Variants in MYO18A observed in about 807,000 individuals in gnomAD.
MYO18A encodes unconventional myosin-XVIIIa.
In MYO18A, 78 loss-of-function variants were observed where a neutral mutation model predicts 235.8. The observed-to-expected ratio is 0.33, with a 90% CI of 0.28 to 0.40. MYO18A has a LOEUF of 0.40. Ranked by LOEUF, MYO18A falls within the 10% of genes least tolerant of loss-of-function variation. The pLI is 1.00. For missense variants in MYO18A, 2,215 were observed against 2,699.3 expected (o/e 0.82, Z 3.98); for synonymous variants, 977 against 1,077.8 (o/e 0.91, Z 1.83).
intron 41 of MYO18A, chr17:29,076,696 A>G (rs1870345360): frequency 6.6e-6 from 1 of 152,174 alleles, no homozygotes; most frequent in Admixed American, 6.5e-5. Context: ...TATAGAAAAA[A>G]ATTGGGGTTA....
In MYO18A at chr17:29,115,769, C is replaced by T; in HGVS notation, c.2122G>A (p.Glu708Lys). The T allele has an allele frequency of 6.3e-7, 1 of 1,595,430 alleles. No homozygotes were observed. Among genetic ancestry groups the T allele is most frequent in the Non-Finnish European group, 8.5e-7 (1 of 1,170,814 alleles). Reference sequence around the variant, plus strand: ...TGCTTGAAGATGGCTGAGGACAGCTCCTCCAGGCTGCAGCCCAGTAGGTAC... The same window carrying T: ...TGCTTGAAGATGGCTGAGGACAGCTTCTCCAGGCTGCAGCCCAGTAGGTAC... ...AAYLLGCSLE[E>K]LSSAIFKHQH... Residue 708 changes from glutamate to lysine, a missense_variant, in exon 12 of 42, where the codon GAG becomes AAG. Glu to Lys is a moderately conservative substitution (Grantham distance 56, BLOSUM62 1). Coordinates refer to ENST00000527372, the MANE Select transcript of MYO18A (RefSeq NM_078471.4).
At position 29,072,212 on chromosome 17, in the gene MYO18A, T is replaced by A. The variant is rs1381900497; in HGVS notation, c.*2558A>T. On this transcript the variant is annotated 3_prime_UTR_variant, in exon 42 of 42. Transcript: ENST00000527372. ...ACATAAGCTAGCAGCCTTTTTTTTT[T>A]TTTTTTTTTTTTTGTAAAAAAAAGT... 1 of 150,056 alleles carries A rather than the reference T, an allele frequency of 6.7e-6. No individual in the cohort carries two copies. Among genetic ancestry groups the A allele is most frequent in the African/African-American group, 2.5e-5 (1 of 40,700 alleles). The allele number at this position is 150,056 out of a possible 1,614,324, so 9.3% of individuals were successfully genotyped here.
intron 2 of MYO18A, among the ~76,000 whole-genome samples, chr17:29,159,248 C>T (rs1312225149): frequency 6.6e-6 from 1 of 152,018 alleles, no homozygotes; most frequent in African/African-American, 2.4e-5. Context: ...CCCCTGCATC[C>T]CACTACTCCA....
intron 2 of MYO18A, among the ~76,000 whole-genome samples, chr17:29,129,621 A>AG (rs2067412474): frequency 6.6e-6 from 1 of 152,214 alleles, no homozygotes; most frequent in South Asian, 2.1e-4. Flanking sequence ...TTGTTACCCA[A>AG]AACAATGATC....
chr17:29,160,890 T>A (rs1307995692), intron 2 of MYO18A, among the ~76,000 whole-genome samples: 1 of 152,190 alleles, frequency 6.6e-6, no homozygotes, highest in Non-Finnish European at 1.5e-5. Flanking sequence ...AGCCTTCCTT[T>A]AAGACCCCCT....
At chr17:29,163,245 G>T (rs2068211627) in intron 2 of MYO18A, among the ~76,000 whole-genome samples, 1 of 152,302 alleles carries the variant, frequency 6.6e-6, no homozygotes, top group Middle Eastern at 3.4e-3. Flanking sequence ...AAAGGAAGAG[G>T]AGGAGATACA....
Position 29,120,516 on chromosome 17 carries a change from G to C in MYO18A, c.1728+100C>G, listed in dbSNP as rs1367704331. The stretch of plus-strand genomic sequence containing the variant: ...TGCCTGGGTCAATTTTGTTAGGGTA[G>C]AATCCCAGGAAAATGAGGCATGGGA... On this transcript the variant is annotated intron_variant, in intron 7 of 41. Coordinates refer to ENST00000527372, the MANE Select transcript of MYO18A (RefSeq NM_078471.4). This position sits in a 1 kb window ranked among gnomAD's most constrained non-coding sequence, Gnocchi z 4.2. The C allele has an allele frequency of 6.9e-7, 1 of 1,442,454 alleles. No individual in the cohort carries two copies. The highest frequency in any genetic ancestry group is 1.4e-5 in the African/African-American group (1 of 70,580). The allele number at this position is 1,442,454 out of a possible 1,614,324, so 89.4% of individuals were successfully genotyped here.
At chr17:29,156,506 A>ACGCTAAGGTCCTAGAGACAAGT (rs1403548728) in intron 2 of MYO18A, among the ~76,000 whole-genome samples, 1 of 152,172 alleles carries the variant, frequency 6.6e-6, no homozygotes, top group East Asian at 1.9e-4. Context: ...GAGATGGGAC[A>ACGCTAAGGTCCTAGAGACAAGT]CGCTAAGGTC....
chr17:29,141,989 G>C (rs2067749424), intron 2 of MYO18A, among the ~76,000 whole-genome samples: 1 of 152,136 alleles, frequency 6.6e-6, no homozygotes, highest in Non-Finnish European at 1.5e-5. Context: ...CTGTCGCCCA[G>C]GCTGGAGTGC....
Position 29,074,168 on chromosome 17 carries a change from T to G in MYO18A, c.*602A>C. 1.9e-6 allele frequency: 3 copies of G among 1,611,742 alleles called. No homozygotes were observed. Among genetic ancestry groups the G allele is most frequent in the Non-Finnish European group, 2.5e-6 (3 of 1,178,572 alleles). Reference sequence around the variant, plus strand: ...GTCTCCAGCTGCACAGAGAAAGGACTGCTCTCTGAAGGGTGAAGATGGAGA... The same window carrying G: ...GTCTCCAGCTGCACAGAGAAAGGACGGCTCTCTGAAGGGTGAAGATGGAGA... On this transcript the variant is annotated 3_prime_UTR_variant, in exon 42 of 42. Transcript: ENST00000527372. The surrounding 1 kb of genome is among the most constrained non-coding windows in gnomAD (Gnocchi z 4.4).
Position 29,094,522 on chromosome 17 carries a change from G to A in MYO18A, c.4710+128C>T. ...ATCAGGTGCTCACTCCACATTTTGT[G>A]AGTAGGTGAGTGAGTGAATACGCGA... On this transcript the variant is annotated intron_variant, in intron 30 of 41. Transcript: ENST00000527372. The A allele has an allele frequency of 3.2e-6, 3 of 929,440 alleles. No individual in the cohort carries two copies. The South Asian group carries it at 4.6e-5, about 14-fold the overall frequency. 57.6% of individuals were successfully genotyped at this position (929,440 alleles called of 1,614,324 possible).
chr17:29,098,577 T>A, intron 23 of MYO18A, 132 bp from the exon 24 acceptor site: 3 of 1,129,086 alleles, frequency 2.7e-6, no homozygotes, highest in Non-Finnish European at 3.8e-6. Flanking sequence ...ATGTCCCCAA[T>A]AGCAGAGCCA....
rs1373791825 is a variant in MYO18A at position 29,172,262 on chromosome 17, T to C, written c.-81-5241A>G. Among the ~76,000 whole-genome samples the C allele has an allele frequency of 2.6e-5, 4 of 152,126 alleles. No individual in the cohort carries two copies. In the East Asian group the frequency reaches 7.7e-4, roughly 29 times the overall value. On this transcript the variant is annotated intron_variant, in intron 1 of 41. Transcript: ENST00000527372. ...GCCGAGGAGGGCAGATCACCTGAGA[T>C]CAGGTGTTCGAAACCAGCCTGGTCA...
intron 2 of MYO18A, among the ~76,000 whole-genome samples, 192 bp from the exon 3 acceptor site, chr17:29,122,445 G>C (rs1862071538): frequency 6.6e-6 from 1 of 152,300 alleles, no homozygotes; most frequent in Non-Finnish European, 1.5e-5. Context: ...AGGAGGCAAG[G>C]GTGGCTCTAA....
intron 11 of MYO18A, 128 bp downstream of exon 11, chr17:29,116,316 A>T: frequency 9.7e-7 from 1 of 1,029,002 alleles, no homozygotes; most frequent in Non-Finnish European, 1.5e-6. Context: ...ACACCCACTG[A>T]TGGCCCAACA....
Position 29,122,297 on chromosome 17 carries a change from C to A in MYO18A, c.1000-44G>T, listed in dbSNP as rs1181045198. On this transcript the variant is annotated intron_variant, in intron 2 of 41. Coordinates refer to ENST00000527372, the MANE Select transcript of MYO18A (RefSeq NM_078471.4). ...AATAAACAGGCCCTGCTATGGAAGA[C>A]AGGGACAAGGACAGCCGTAGAGGGG... 3 of 1,563,322 alleles carry A rather than the reference C, an allele frequency of 1.9e-6. No individual in the cohort carries two copies. In the East Asian group the frequency reaches 7.0e-5, roughly 36 times the overall value.
rs10535921 is a variant in MYO18A, at chr17:29,148,582, TTGTGTGTGTGTG to T, written c.999+17348_999+17359del. ...TTGGGAGGAATTATCCTTTATTCTTTTGTGTGTGTGTGTGTGTGTGTGTGTGTGTGTGTGTAA... is the reference window on the plus strand; with the variant it reads ...TTGGGAGGAATTATCCTTTATTCTTTTGTGTGTGTGTGTGTGTGTGTGTAA... On this transcript the variant is annotated intron_variant, in intron 2 of 41. Coordinates refer to ENST00000527372, the MANE Select transcript of MYO18A (RefSeq NM_078471.4). Among the ~76,000 whole-genome samples the T allele has an allele frequency of 5.5e-3, 815 of 148,876 alleles. 3 individuals are homozygous for T. Among genetic ancestry groups the T allele is most frequent in the Middle Eastern group, 0.014 (4 of 290 alleles).
At chr17:29,085,543 T>C (rs1447320047) in intron 40 of MYO18A, 61 bp downstream of exon 40, 33 of 1,522,942 alleles carry the variant, frequency 2.2e-5, no homozygotes, top group Admixed American at 1.7e-4. Flanking sequence ...TGGGAGCCAG[T>C]GTTAGGGGTG....
Position 29,073,731 on chromosome 17 carries a change from G to T in MYO18A, c.*1039C>A. On this transcript the variant is annotated 3_prime_UTR_variant, in exon 42 of 42. Transcript: ENST00000527372. ...CCAGACCACATGGTGTTGTGTCTGG[G>T]ATAAGTGTGTGGGGGCAGGGAGGTT... 9.8e-7 allele frequency: 1 copy of T among 1,018,092 alleles called. No individual in the cohort carries two copies. Among genetic ancestry groups the T allele is most frequent in the East Asian group, 2.4e-5 (1 of 41,048 alleles). The allele number at this position is 1,018,092 out of a possible 1,614,324, so 63.1% of individuals were successfully genotyped here.
Sources: allele counts gnomAD v4.1 joint callset (sites outside exome capture counted in the v4.1 genomes callset), GRCh38; gene constraint gnomAD v4.1.1; non-coding constraint Gnocchi (gnomAD v3.1); transcripts MANE v1.5; gene names NCBI Gene and HGNC (gene_info 2026-07-23, HGNC 2026-07-21).